Variants in EYS observed in about 807,000 individuals in gnomAD.
EYS encodes protein eyes shut homolog.
Under a neutral mutation model 282.1 loss-of-function variants are expected in EYS, and 250 were observed. That is an observed-to-expected ratio of 0.89 (90% CI 0.80 to 0.98). EYS has a LOEUF of 0.98. Ranked by LOEUF, EYS falls within the 50% of genes least tolerant of loss-of-function variation. EYS has a pLI of 0.00. For synonymous variants in EYS, 1,355 were observed against 1,282.9 expected, an observed-to-expected ratio of 1.06 and a Z score of -1.20; for missense variants, 4,016 against 3,709.0, an observed-to-expected ratio of 1.08 and a Z score of -2.15.
At chr6:63,787,276 A>G (rs751456589) in intron 39 of EYS, 2 of 152,230 alleles carry the variant, frequency 1.3e-5, no homozygotes, top group African/African-American at 2.4e-5. Context: ...CCCAAGCACA[A>G]TGTTGTCCTT....
chr6:64,949,525 C>T (rs1769407783), intron 14 of EYS, among the ~76,000 whole-genome samples: 1 of 151,882 alleles, frequency 6.6e-6, no homozygotes, highest in African/African-American at 2.4e-5. Flanking sequence ...GCTGTTACCT[C>T]TTGTTTTGTT....
At chr6:64,015,541 G>T (rs983189371) in intron 33 of EYS, among the ~76,000 whole-genome samples, 1 of 151,988 alleles carries the variant, frequency 6.6e-6, no homozygotes, top group Non-Finnish European at 1.5e-5. Flanking sequence ...ACACAATAAA[G>T]GATAAAAGAA....
At position 65,026,916 on chromosome 6, in the gene EYS, CA is replaced by C. The variant is rs1260312589; in HGVS notation, c.2138-29214del. 7.9e-3 allele frequency among the ~76,000 whole-genome samples: 855 copies of C among 107,718 alleles called. 8 individuals are homozygous for C. Among genetic ancestry groups the C allele is most frequent in the African/African-American group, 0.021 (638 of 30,636 alleles). 70.7% of individuals were successfully genotyped at this position (107,718 alleles called of 152,430 possible). On this transcript the variant is annotated intron_variant, in intron 13 of 42. Transcript: ENST00000503581. ...TGGGCGACAGAGTGAGACTCCGTCT[CA>C]AAAAAAAAAAAAAGATTCAGATATC...
intron 22 of EYS, among the ~76,000 whole-genome samples, chr6:64,700,720 T>C (rs1203631051): frequency 6.6e-6 from 1 of 151,970 alleles, no homozygotes; most frequent in Non-Finnish European, 1.5e-5. Context: ...AAACAAATCA[T>C]AGATGATTCA....
chr6:65,302,096 CTTTTT>C (rs766918105), intron 11 of EYS, among the ~76,000 whole-genome samples: 54 of 152,132 alleles, frequency 3.5e-4, no homozygotes, highest in African/African-American at 1.3e-3. Context: ...TAAATGAACT[CTTTTT>C]TTTGTTTTGT....
intron 36 of EYS, among the ~76,000 whole-genome samples, chr6:63,808,416 G>C (rs1770960670): frequency 6.6e-6 from 1 of 152,168 alleles, no homozygotes. Flanking sequence ...GATCAAAGTT[G>C]CTTTTTAGAA....
chr6:64,608,390 GC>G (rs977890149), intron 24 of EYS, among the ~76,000 whole-genome samples: 7 of 151,968 alleles, frequency 4.6e-5, no homozygotes, highest in African/African-American at 1.7e-4. Context: ...TAAATATATA[GC>G]CACAAAAATA....
At chr6:63,826,845 C>CAAAAAAAAAAAAAAAAAAGGAAAAAAA (rs1771475758) in intron 36 of EYS, among the ~76,000 whole-genome samples, 2 of 76,758 alleles carry the variant, frequency 2.6e-5, no homozygotes, top group African/African-American at 5.1e-5. Context: ...AGTTAAAAAG[C>CAAAAAAAAAAAAAAAAAAGGAAAAAAA]AAAAAAAAAA....
chr6:64,128,123 A>G (rs116188483), intron 31 of EYS, among the ~76,000 whole-genome samples: 4,366 of 152,222 alleles, frequency 0.029, 68 homozygotes, highest in Non-Finnish European at 0.046. Flanking sequence ...ACTTTCTCCA[A>G]TATAATAGTA....
chr6:64,467,583 G>A (rs963633302), intron 26 of EYS, among the ~76,000 whole-genome samples: 4 of 152,046 alleles, frequency 2.6e-5, no homozygotes, highest in Admixed American at 2.6e-4. Context: ...AACATCTGGA[G>A]GAACCTGAGG....
intron 31 of EYS, among the ~76,000 whole-genome samples, chr6:64,212,065 A>G (rs1267181277): frequency 1.3e-5 from 2 of 152,112 alleles, no homozygotes; most frequent in East Asian, 3.9e-4. Context: ...GCAGTGAGCC[A>G]AGGTCGCACC....
At chr6:64,923,118 T>A (rs771788539) in intron 15 of EYS, among the ~76,000 whole-genome samples, 2 of 152,044 alleles carry the variant, frequency 1.3e-5, no homozygotes, top group Non-Finnish European at 2.9e-5. Flanking sequence ...TAGTCTGTTT[T>A]CACGCTGCTG....
intron 11 of EYS, among the ~76,000 whole-genome samples, chr6:65,333,862 C>T (rs1014371544): frequency 7.3e-5 from 11 of 150,804 alleles, no homozygotes; most frequent in Non-Finnish European, 1.3e-4. Flanking sequence ...CTATTTTTTC[C>T]CTGATGTTAG....
chr6:65,233,328 T>C (rs1185439855), intron 12 of EYS, among the ~76,000 whole-genome samples: 1 of 152,066 alleles, frequency 6.6e-6, no homozygotes, highest in Non-Finnish European at 1.5e-5. Flanking sequence ...CATCTGGCAG[T>C]GGTTATTATT....
At chr6:64,249,771 C>T (rs965392187) in intron 30 of EYS, among the ~76,000 whole-genome samples, 1 of 152,176 alleles carries the variant, frequency 6.6e-6, no homozygotes, top group Non-Finnish European at 1.5e-5. Flanking sequence ...CTACCGCAAA[C>T]TTGTACTTAA....
chr6:64,953,234 T>C (rs1481174202), intron 14 of EYS, among the ~76,000 whole-genome samples: 1 of 151,808 alleles, frequency 6.6e-6, no homozygotes, highest in Non-Finnish European at 1.5e-5. Context: ...ACATGTGTGC[T>C]TTGTGAAACT....
intron 22 of EYS, among the ~76,000 whole-genome samples, chr6:64,778,507 A>G (rs1350658544): frequency 1.3e-5 from 2 of 152,198 alleles, no homozygotes; most frequent in African/African-American, 4.8e-5. Flanking sequence ...ATAATGGAAT[A>G]CAACTAAGAG....
intron 12 of EYS, among the ~76,000 whole-genome samples, chr6:65,207,548 A>G (rs1369350100): frequency 6.6e-6 from 1 of 151,816 alleles, no homozygotes; most frequent in Non-Finnish European, 1.5e-5. Flanking sequence ...ATATGAAACC[A>G]CACAAGAGCC....
chr6:65,461,083 T>C (rs982681850), intron 5 of EYS, among the ~76,000 whole-genome samples: 2 of 152,160 alleles, frequency 1.3e-5, no homozygotes, highest in Non-Finnish European at 2.9e-5. Context: ...TATTACTCAA[T>C]TGATGTGATT....
Sources: allele counts gnomAD v4.1 joint callset (sites outside exome capture counted in the v4.1 genomes callset), GRCh38; gene constraint gnomAD v4.1.1; transcripts MANE v1.5; gene names NCBI Gene and HGNC (gene_info 2026-07-23, HGNC 2026-07-21).